KLHL1: variants seen among roughly 807,000 people sequenced by gnomAD.
KLHL1 encodes the protein kelch-like protein 1.
In KLHL1, 47 loss-of-function variants were observed where a neutral mutation model predicts 77.7. That is an observed-to-expected ratio of 0.60 (90% confidence interval 0.48 to 0.77). The LOEUF is 0.77. Ranked by LOEUF, KLHL1 falls within the 30% of genes least tolerant of loss-of-function variation. The probability of loss-of-function intolerance (pLI) is 0.00; values close to 1 mark genes in which losing one functional copy is unlikely to be tolerated. For missense variants in KLHL1, 925 were observed against 910.8 expected (o/e 1.02, Z -0.20); for synonymous variants, 360 against 325.2 (o/e 1.11, Z -1.15).
intron 5 of KLHL1, among the ~76,000 whole-genome samples, chr13:69,868,492 A>G (rs1419855158): frequency 6.6e-6 from 1 of 152,116 alleles, no homozygotes; most frequent in Non-Finnish European, 1.5e-5. Flanking sequence ...AATTTAAATG[A>G]AACATTTATG....
chr13:69,896,432 C>A (rs1348596025), intron 4 of KLHL1, among the ~76,000 whole-genome samples: 1 of 152,062 alleles, frequency 6.6e-6, no homozygotes, highest in African/African-American at 2.4e-5. Flanking sequence ...ATCAGGACAC[C>A]TTGGCAGACG....
At chr13:69,853,549 TG>T (rs1323762131) in intron 5 of KLHL1, among the ~76,000 whole-genome samples, 1 of 152,032 alleles carries the variant, frequency 6.6e-6, no homozygotes, top group East Asian at 1.9e-4. Flanking sequence ...TCTTTACACA[TG>T]GCCCTCCTGG....
chr13:69,947,029 TGTGTGTGTGTG>T (rs1398080205), intron 3 of KLHL1, among the ~76,000 whole-genome samples: 49 of 566 alleles, frequency 0.087, no homozygotes, highest in African/African-American at 0.21. Context: ...GTGTGTGTGT[TGTGTGTGTGTG>T]TGTGTGTGTG....
chr13:70,059,151 TTTC>T (rs1423417184), intron 1 of KLHL1, among the ~76,000 whole-genome samples: 5 of 146,064 alleles, frequency 3.4e-5, no homozygotes, highest in African/African-American at 1.3e-4. Flanking sequence ...TGGACAAATA[TTTC>T]TTCTTTTTTT....
intron 1 of KLHL1, among the ~76,000 whole-genome samples, chr13:70,049,336 A>G (rs1886576466): frequency 6.6e-6 from 1 of 152,150 alleles, no homozygotes; most frequent in South Asian, 2.1e-4. Context: ...TCCTGATCAA[A>G]CTACATTTGT....
At position 70,100,170 on chromosome 13, in the gene KLHL1, A is replaced by C. The variant is rs192189833; in HGVS notation, c.497+7033T>G. ...TAGTAGTGAGTCTTCTGATCTATGA[A>C]TATTATATATTCATATTTCTTCATT... On this transcript the variant is annotated intron_variant, in intron 1 of 10. Coordinates refer to ENST00000377844, the MANE Select transcript of KLHL1 (RefSeq NM_020866.3). Among the ~76,000 whole-genome samples, 99 of 149,450 alleles carry C rather than the reference A, an allele frequency of 6.6e-4. 4 individuals are homozygous for C. In the East Asian group the frequency reaches 0.019, roughly 29 times the overall value.
chr13:70,050,987 A>G (rs1395788987), intron 1 of KLHL1, among the ~76,000 whole-genome samples: 1 of 152,004 alleles, frequency 6.6e-6, no homozygotes, highest in Non-Finnish European at 1.5e-5. Flanking sequence ...AAAAGAAATT[A>G]GCATTACTGA....
chr13:69,956,830 G>A (rs1039191075), intron 3 of KLHL1, among the ~76,000 whole-genome samples: 2 of 151,610 alleles, frequency 1.3e-5, no homozygotes, highest in Non-Finnish European at 3.0e-5. Context: ...TTTGAAATAT[G>A]AAATATGTAA....
intron 10 of KLHL1, among the ~76,000 whole-genome samples, chr13:69,706,733 G>A (rs1452954025): frequency 6.6e-6 from 1 of 151,968 alleles, no homozygotes; most frequent in African/African-American, 2.4e-5. Flanking sequence ...GAGATTTGGA[G>A]AAGAATGAAA....
At chr13:69,967,535 G>T (rs9317853) in intron 2 of KLHL1, among the ~76,000 whole-genome samples, 85,787 of 152,024 alleles carry the variant, frequency 0.56, 24,639 homozygotes, top group Non-Finnish European at 0.61. Context: ...TTGAGATGGT[G>T]TCTACTCCTG....
intron 6 of KLHL1, among the ~76,000 whole-genome samples, chr13:69,819,738 T>C (rs1338315563): frequency 1.3e-5 from 2 of 152,212 alleles, no homozygotes; most frequent in African/African-American, 4.8e-5. Flanking sequence ...ATCAGCATGC[T>C]TAGGATTTCC....
At chr13:70,065,937 T>C (rs1886996522) in intron 1 of KLHL1, among the ~76,000 whole-genome samples, 1 of 152,150 alleles carries the variant, frequency 6.6e-6, no homozygotes, top group African/African-American at 2.4e-5. Context: ...AGTCCTATTA[T>C]GTAGACTAGT....
intron 10 of KLHL1, among the ~76,000 whole-genome samples, chr13:69,703,807 C>A (rs1217526448): frequency 2.6e-5 from 4 of 151,636 alleles, no homozygotes; most frequent in African/African-American, 9.7e-5. Flanking sequence ...AGCTTTGTAA[C>A]CTAGGAGCAA....
chr13:69,766,763 T>C (rs949402368), intron 7 of KLHL1, among the ~76,000 whole-genome samples: 1 of 152,096 alleles, frequency 6.6e-6, no homozygotes, highest in Non-Finnish European at 1.5e-5. Context: ...TGGGTTGTCA[T>C]AGTGCATCAG....
At chr13:69,893,706 T>C (rs527976099) in intron 4 of KLHL1, among the ~76,000 whole-genome samples, 17 of 152,212 alleles carry the variant, frequency 1.1e-4, no homozygotes, top group African/African-American at 3.6e-4. Context: ...ATTTTGTACC[T>C]AAGATGCAGG....
chr13:70,047,550 A>G (rs865987306), intron 1 of KLHL1, among the ~76,000 whole-genome samples: 16 of 152,156 alleles, frequency 1.1e-4, no homozygotes, highest in African/African-American at 3.9e-4. Context: ...TAGACAACCC[A>G]TTCCTTGAGA....
chr13:70,076,563 AT>A (rs1451709358), intron 1 of KLHL1, among the ~76,000 whole-genome samples: 1 of 151,866 alleles, frequency 6.6e-6, no homozygotes, highest in Non-Finnish European at 1.5e-5. Flanking sequence ...GGGTTTGACA[AT>A]GTGACAATGA....
At chr13:69,880,981 G>A (rs73508478) in intron 5 of KLHL1, among the ~76,000 whole-genome samples, 3 of 151,904 alleles carry the variant, frequency 2.0e-5, no homozygotes, top group East Asian at 1.9e-4. Context: ...AAGATTACCC[G>A]CCCAAACTCT....
intron 4 of KLHL1, among the ~76,000 whole-genome samples, chr13:69,883,726 A>G (rs1881091568): frequency 6.6e-6 from 1 of 152,256 alleles, no homozygotes; most frequent in Admixed American, 6.5e-5. Context: ...AAAATTGTAG[A>G]AACAGCACAG....
Sources: allele counts gnomAD v4.1 joint callset (sites outside exome capture counted in the v4.1 genomes callset), GRCh38; gene constraint gnomAD v4.1.1; transcripts MANE v1.5; gene names NCBI Gene and HGNC (gene_info 2026-07-23, HGNC 2026-07-21).